Variants in ANKRD11 observed in about 807,000 individuals in gnomAD.
The protein encoded by ANKRD11 is ankyrin repeat domain-containing protein 11.
Under a neutral mutation model 195.7 loss-of-function variants are expected in ANKRD11, and 17 were observed. That is an observed-to-expected ratio of 0.09 (90% confidence interval 0.06 to 0.13). The LOEUF (loss-of-function observed/expected upper bound fraction) is 0.13. Among genes scored for constraint, ANKRD11 ranks in the 10% least tolerant of loss-of-function variants. ANKRD11 has a pLI of 1.00. For missense variants in ANKRD11, 3,735 were observed against 3,566.1 expected (o/e 1.05, Z -1.21); for synonymous variants, 1,953 against 1,528.1 (o/e 1.28, Z -6.49).
intron 2 of ANKRD11, among the ~76,000 whole-genome samples, chr16:89,390,901 T>C (rs1191588716): frequency 6.6e-6 from 1 of 152,142 alleles, no homozygotes; most frequent in Non-Finnish European, 1.5e-5. Context: ...AACATGTAAG[T>C]GTCACCCTGA....
chr16:89,278,494 G>C (rs1051917547), intron 9 of ANKRD11: 3 of 455,798 alleles, frequency 6.6e-6, no homozygotes, highest in Admixed American at 2.4e-5. Flanking sequence ...TGAGCCTGCA[G>C]AGGTAGGGAT....
intron 2 of ANKRD11, among the ~76,000 whole-genome samples, chr16:89,391,401 A>C (rs974242541): frequency 3.9e-5 from 6 of 152,126 alleles, no homozygotes; most frequent in African/African-American, 1.4e-4. Context: ...TGCCGTCTCC[A>C]GGTAGACAGT....
intron 1 of ANKRD11, among the ~76,000 whole-genome samples, chr16:89,423,369 C>T (rs551616945): frequency 6.6e-6 from 1 of 152,264 alleles, no homozygotes; most frequent in Non-Finnish European, 1.5e-5. Context: ...GGCAGTCACA[C>T]CAGCCTGTCT....
intron 2 of ANKRD11, among the ~76,000 whole-genome samples, chr16:89,387,487 A>C (rs2040967668): frequency 6.6e-6 from 1 of 151,674 alleles, no homozygotes; most frequent in African/African-American, 2.4e-5. Context: ...CCCGGCTAAC[A>C]CAGTGAAACC....
chr16:89,275,330 AAC>A (rs1451200560), intron 9 of ANKRD11, 139 bp from the exon 10 acceptor site: 1 of 679,904 alleles, frequency 1.5e-6, no homozygotes, highest in Non-Finnish European at 2.5e-6. Context: ...CAGTCCCAGC[AAC>A]AGACACACCA....
In ANKRD11 at chr16:89,270,923, A is replaced by C. The variant is rs925035230; in HGVS notation, c.7714-14T>G. 6.2e-7 allele frequency: 1 copy of C among 1,613,620 alleles called. No homozygotes were observed. Among genetic ancestry groups the C allele is most frequent in the Admixed American group, 1.7e-5 (1 of 59,986 alleles). ...GTTCTCGTCACCCTGTGGAAACCAAACACGGGAGTTTCATCAGGAGCCCCA... is the reference window on the plus strand; with the variant it reads ...GTTCTCGTCACCCTGTGGAAACCAACCACGGGAGTTTCATCAGGAGCCCCA... On this transcript the variant is annotated splice_polypyrimidine_tract_variant and intron_variant, in intron 11 of 12. Transcript: ENST00000301030.
At chr16:89,472,450 A>G (rs530568873) in intron 1 of ANKRD11, among the ~76,000 whole-genome samples, 243 of 152,348 alleles carry the variant, frequency 1.6e-3, no homozygotes, top group Non-Finnish European at 2.8e-3. Context: ...AAAGCAAAGG[A>G]GCAGCAAGGC....
chr16:89,333,068 G>C (rs1179569211), intron 2 of ANKRD11, among the ~76,000 whole-genome samples: 1 of 152,126 alleles, frequency 6.6e-6, no homozygotes, highest in African/African-American at 2.4e-5. Flanking sequence ...GCCCCTGTGG[G>C]GCATGCAGAA....
chr16:89,282,079 T>C lies in ANKRD11; in HGVS notation c.4463A>G (p.His1488Arg). 6.2e-7 allele frequency: 1 copy of C among 1,613,996 alleles called. No individual in the cohort carries two copies. Among genetic ancestry groups the C allele is most frequent in the Non-Finnish European group, 8.5e-7 (1 of 1,179,996 alleles). The change falls in exon 9 of 13, where the codon CAC (histidine) becomes CGC (arginine). Residue 1488 changes from histidine to arginine, a missense_variant. Coordinates refer to ENST00000301030, the MANE Select transcript of ANKRD11 (RefSeq NM_013275.6). ...GTGATGCCGCAGGAGCTCGTCCCTG[T>C]GATGCCGCAGCAGCCCATCCGCATG... ...DRHADGLLRH[H>R]RDELLRHHRD...
rs773449857 is a variant in ANKRD11, at chr16:89,281,672, C to T, written c.4870G>A (p.Ala1624Thr). The T allele has an allele frequency of 1.2e-6, 2 of 1,614,168 alleles. No homozygotes were observed. The highest frequency in any genetic ancestry group is 2.2e-5 in the South Asian group (2 of 91,088). Residue 1624 changes from alanine (A) to threonine (T), a missense_variant, in exon 9 of 13, where the codon GCG (alanine) becomes ACG (threonine). Ala to Thr is a moderately conservative substitution (Grantham distance 58, BLOSUM62 0). Coordinates refer to ENST00000301030, the MANE Select transcript of ANKRD11 (RefSeq NM_013275.6). This position sits in a 1 kb window ranked among gnomAD's most constrained non-coding sequence, Gnocchi z 5.5. ...TTCCGCCCGTCGTCTGCCGGCTTCGCCTTCTCCTTGAGCTTGGGGTCTCCG... is the reference window on the plus strand; with the variant it reads ...TTCCGCCCGTCGTCTGCCGGCTTCGTCTTCTCCTTGAGCTTGGGGTCTCCG... ...RSGDPKLKEK[A>T]KPADDGRKKG...
intron 9 of ANKRD11, chr16:89,278,557 G>T (rs1170483343): frequency 2.2e-6 from 1 of 456,958 alleles, no homozygotes; most frequent in Non-Finnish European, 4.4e-6. Context: ...TGAGGCTGGG[G>T]GCCGAGGACC....
rs374496613 is a variant in ANKRD11, at chr16:89,416,333, T to G, written c.-60+1951A>C. Among the ~76,000 whole-genome samples the G allele has an allele frequency of 1.2e-4, 19 of 152,142 alleles. No individual in the cohort carries two copies. The East Asian group carries it at 3.7e-3, about 30-fold the overall frequency. ...TTTTTCCCCAGAGACAGAGTCTTGC[T>G]CTGTCGCCCAGGCTCAAGTGCGGTG... is the stretch of plus-strand genomic sequence containing the variant. On this transcript the variant is annotated intron_variant, in intron 2 of 12. Transcript: ENST00000301030.
Position 89,490,541 on chromosome 16 carries a change from C to T in ANKRD11, c.-441G>A, listed in dbSNP as rs916704282. On this transcript the variant is annotated 5_prime_UTR_variant, in exon 1 of 13. Transcript: ENST00000301030. ...CGGCTGGGGCCCTCGGTCCATCGCG[C>T]ACCGTCTCAGGGCGGCCTCTGGCTC... 1 of 458,086 alleles carries T rather than the reference C, an allele frequency of 2.2e-6. No homozygotes were observed. Among genetic ancestry groups the T allele is most frequent in the Admixed American group, 3.7e-5 (1 of 26,734 alleles). 28.4% of individuals were successfully genotyped at this position (458,086 alleles called of 1,614,324 possible).
chr16:89,401,013 C>T (rs996267415), intron 2 of ANKRD11, among the ~76,000 whole-genome samples: 1 of 152,186 alleles, frequency 6.6e-6, no homozygotes, highest in African/African-American at 2.4e-5. Context: ...GAAAGGGAGG[C>T]CCCGCGTGTG....
rs534630867 is a variant in ANKRD11 at position 89,278,241 on chromosome 16, G to A, written c.7470+831C>T. ...GCCGTGCACAGCTCAGGCCGTCACC[G>A]AGGACAGACGGGTGGGCTCTGCCTC... On this transcript the variant is annotated intron_variant, in intron 9 of 12. Coordinates refer to ENST00000301030, the MANE Select transcript of ANKRD11 (RefSeq NM_013275.6). 71 of 344,674 alleles carry A rather than the reference G, an allele frequency of 2.1e-4. No individual in the cohort carries two copies. The East Asian group carries it at 5.5e-3, about 27-fold the overall frequency. 21.4% of individuals were successfully genotyped at this position (344,674 alleles called of 1,614,324 possible).
rs751678280 is a variant in ANKRD11, at chr16:89,291,074, G to C, written c.336C>G (p.Ser112=). Residue 112 remains serine, a synonymous_variant, in exon 5 of 13, where the codon TCC becomes TCG. Transcript: ENST00000301030. The surrounding 1 kb of genome is among the most constrained non-coding windows in gnomAD (Gnocchi z 5.3). The part of the protein sequence containing the change: ...LSGIRAGYPL[S]ERQQVALLMQ... The stretch of plus-strand genomic sequence containing the variant: ...TGAGAAGGGCCACCTGCTGGCGCTC[G>C]GAGAGGGGGTAGCCGGCTCGGATTC... The C allele has an allele frequency of 1.2e-5, 19 of 1,613,438 alleles. No individual in the cohort carries two copies. Among genetic ancestry groups the C allele is most frequent in the Non-Finnish European group, 1.5e-5 (18 of 1,179,910 alleles).
Position 89,351,331 on chromosome 16 carries a change from G to T in ANKRD11, c.-59-34253C>A, listed in dbSNP as rs549709404. Among the ~76,000 whole-genome samples the T allele has an allele frequency of 1.9e-3, 289 of 152,302 alleles. 2 individuals are homozygous for T. The highest frequency in any genetic ancestry group is 3.1e-3 in the Non-Finnish European group (211 of 68,016). Reference sequence around the variant, plus strand: ...CATTCCTGAAGGGGATGGCATCCATGGCCCTAGGGAAGGAAGACCAGATCC... The same window carrying T: ...CATTCCTGAAGGGGATGGCATCCATTGCCCTAGGGAAGGAAGACCAGATCC... On this transcript the variant is annotated intron_variant, in intron 2 of 12. Transcript: ENST00000301030.
At chr16:89,488,672 C>T (rs1206866570) in intron 1 of ANKRD11, among the ~76,000 whole-genome samples, 1 of 152,170 alleles carries the variant, frequency 6.6e-6, no homozygotes, top group Admixed American at 6.5e-5. Flanking sequence ...GGCACTTTTT[C>T]CACAGGTAAT....
At chr16:89,471,832 A>G (rs1242758229) in intron 1 of ANKRD11, among the ~76,000 whole-genome samples, 1 of 151,376 alleles carries the variant, frequency 6.6e-6, no homozygotes, top group East Asian at 1.9e-4. Context: ...TTACCACCCA[A>G]ATCAACTCAC....
Sources: gnomAD v4.1 joint callset for allele counts (sites outside exome capture counted in the v4.1 genomes callset) on GRCh38, gnomAD v4.1.1 for gene constraint, Gnocchi (gnomAD v3.1) non-coding constraint, MANE v1.5 for transcripts, NCBI Gene and HGNC (gene_info 2026-07-23, HGNC 2026-07-21) for gene names.